Variants in ANKRD31 observed in about 807,000 individuals in gnomAD.
ANKRD31 encodes the protein ankyrin repeat domain 31, also known as ankyrin repeat domain-containing protein 31.
In ANKRD31, 147 loss-of-function variants were observed where a neutral mutation model predicts 186.0. The observed-to-expected ratio is 0.79, with a 90% CI of 0.69 to 0.91. The LOEUF is 0.91. ANKRD31 is among the 40% of genes least tolerant of loss of function. The pLI, the probability that ANKRD31 is intolerant of heterozygous loss-of-function variation, is 0.00. For missense variants in ANKRD31, 1,986 were observed against 2,148.8 expected, an observed-to-expected ratio of 0.92 and a Z score of 1.50; for synonymous variants, 673 against 736.4, an observed-to-expected ratio of 0.91 and a Z score of 1.39.
intron 10 of ANKRD31, among the ~76,000 whole-genome samples, chr5:75,175,976 T>C (rs1327810632): frequency 1.3e-5 from 2 of 152,116 alleles, no homozygotes; most frequent in Non-Finnish European, 2.9e-5. Flanking sequence ...GGGAATTCCA[T>C]TTCCTAGTCA....
In ANKRD31 at chr5:75,205,551, T is replaced by C. The variant is rs531736377; in HGVS notation, c.403+860A>G. Among the ~76,000 whole-genome samples, 4 of 152,324 alleles carry C rather than the reference T, an allele frequency of 2.6e-5. No individual in the cohort carries two copies. In the South Asian group the frequency reaches 6.2e-4, roughly 24 times the overall value. On this transcript the variant is annotated intron_variant, in intron 5 of 25. Coordinates refer to ENST00000506364, the MANE Select transcript of ANKRD31 (RefSeq NM_001372053.1). The stretch of plus-strand genomic sequence containing the variant: ...TAGCACCCACATACTTGGTATTTAG[T>C]AGGCTTAATAAGTATTTGTTAAAAG...
chr5:75,148,460 A>G (rs938655187), intron 13 of ANKRD31, 116 bp downstream of exon 13: 9 of 675,154 alleles, frequency 1.3e-5, no homozygotes, highest in Non-Finnish European at 2.1e-5. Flanking sequence ...TCTTAAAAGC[A>G]AATGTGAAGT....
At chr5:75,210,694 C>T (rs1756568737) in intron 4 of ANKRD31, 134 bp downstream of exon 4, 1 of 579,416 alleles carries the variant, frequency 1.7e-6, no homozygotes, top group African/African-American at 1.9e-5. Flanking sequence ...ATAACATATA[C>T]TTTTGCTACA....
At chr5:75,160,416 G>A (rs1450111211) in intron 11 of ANKRD31, among the ~76,000 whole-genome samples, 1 of 152,022 alleles carries the variant, frequency 6.6e-6, no homozygotes, top group African/African-American at 2.4e-5. Context: ...AGCAGTATAG[G>A]TGGGAAAAAC....
intron 3 of ANKRD31, among the ~76,000 whole-genome samples, chr5:75,217,631 T>C (rs1757039409): frequency 6.6e-6 from 1 of 152,210 alleles, no homozygotes; most frequent in African/African-American, 2.4e-5. Context: ...CAACCTTTTA[T>C]TTTGAGCCTA....
intron 22 of ANKRD31, among the ~76,000 whole-genome samples, chr5:75,102,931 G>A (rs111393816): frequency 4.4e-4 from 67 of 152,212 alleles, no homozygotes; most frequent in African/African-American, 1.3e-3. Context: ...TGGGCTGCAC[G>A]CACTGTCCGA....
intron 18 of ANKRD31, among the ~76,000 whole-genome samples, chr5:75,117,123 C>T (rs1456427618): frequency 6.6e-6 from 1 of 152,158 alleles, no homozygotes; most frequent in Non-Finnish European, 1.5e-5. Context: ...GATTCCCTTT[C>T]TCTATATTAT....
chr5:75,146,151 G>C lies in ANKRD31; in HGVS notation c.3260C>G (p.Ser1087Cys). Residue 1087 changes from serine to cysteine, a missense_variant, in exon 14 of 26, where the codon TCT becomes TGT. Ser to Cys is a moderately radical substitution (Grantham distance 112). Coordinates refer to ENST00000506364, the MANE Select transcript of ANKRD31 (RefSeq NM_001372053.1). ...AACTTTAGTTGTTTCTATTACTTGA[G>C]AATGAGCAACTATGGATAAAGGCTC... ...SNEPLSIVAHSQVIETTKVEK... is the reference protein window; with the variant it reads ...SNEPLSIVAHCQVIETTKVEK... The C allele has an allele frequency of 6.5e-7, 1 of 1,535,952 alleles. No homozygotes were observed. The highest frequency in any genetic ancestry group is 8.7e-7 in the Non-Finnish European group (1 of 1,146,306).
At chr5:75,234,439 G>A (rs751256467) in intron 1 of ANKRD31, among the ~76,000 whole-genome samples, 1 of 152,232 alleles carries the variant, frequency 6.6e-6, no homozygotes, top group Non-Finnish European at 1.5e-5. Context: ...GAGGCAGGAA[G>A]ATCACTTCAG....
chr5:75,102,825 T>C (rs1166368713), intron 22 of ANKRD31, among the ~76,000 whole-genome samples: 12 of 152,160 alleles, frequency 7.9e-5, no homozygotes, highest in Non-Finnish European at 1.8e-4. Flanking sequence ...CCAGGTACCT[T>C]CTGCCATGGC....
intron 25 of ANKRD31, among the ~76,000 whole-genome samples, chr5:75,071,966 T>G (rs921950662): frequency 6.6e-6 from 1 of 152,174 alleles, no homozygotes; most frequent in African/African-American, 2.4e-5. Flanking sequence ...TTGTGCTCTC[T>G]TATAGTCTTT....
intron 11 of ANKRD31, among the ~76,000 whole-genome samples, chr5:75,161,203 T>A (rs1251346700): frequency 6.6e-6 from 1 of 152,156 alleles, no homozygotes; most frequent in South Asian, 2.1e-4. Context: ...TTGAATGGCT[T>A]TGACCAAAAT....
chr5:75,157,336 G>C (rs553681848), intron 11 of ANKRD31, among the ~76,000 whole-genome samples: 6 of 152,326 alleles, frequency 3.9e-5, no homozygotes, highest in Non-Finnish European at 7.3e-5. Flanking sequence ...GCTAAACTTA[G>C]AGGTTTGGCT....
intron 6 of ANKRD31, among the ~76,000 whole-genome samples, chr5:75,196,576 G>A (rs560566613): frequency 6.6e-6 from 1 of 152,182 alleles, no homozygotes; most frequent in Admixed American, 6.5e-5. Flanking sequence ...ATTCTTTCTT[G>A]CCAAAATGTC....
intron 17 of ANKRD31, among the ~76,000 whole-genome samples, chr5:75,124,328 T>TG (rs1207344851): frequency 6.6e-6 from 1 of 152,186 alleles, no homozygotes; most frequent in African/African-American, 2.4e-5. Flanking sequence ...TATACACTGT[T>TG]GGTGGGAATG....
chr5:75,078,902 G>C (rs1744867988), intron 25 of ANKRD31, among the ~76,000 whole-genome samples: 1 of 152,140 alleles, frequency 6.6e-6, no homozygotes, highest in African/African-American at 2.4e-5. Flanking sequence ...AAATTTCAAG[G>C]GAAAATGCCC....
intron 7 of ANKRD31, among the ~76,000 whole-genome samples, chr5:75,193,865 C>G (rs1171981324): frequency 6.6e-6 from 1 of 152,028 alleles, no homozygotes; most frequent in Non-Finnish European, 1.5e-5. Flanking sequence ...TATGGTCACT[C>G]TAGGAGTTTT....
rs962021555 is a variant in ANKRD31 at position 75,068,393 on chromosome 5, A to G, written c.*126T>C. 1.0e-5 allele frequency: 9 copies of G among 879,786 alleles called. No individual in the cohort carries two copies. In the East Asian group the frequency reaches 2.4e-4, roughly 24 times the overall value. 54.5% of individuals were successfully genotyped at this position (879,786 alleles called of 1,614,324 possible). Reference sequence around the variant, plus strand: ...TACATACATCTTAAGAACAGTAAACATACATCCTAAATAGCAACTCATAAA... The same window carrying G: ...TACATACATCTTAAGAACAGTAAACGTACATCCTAAATAGCAACTCATAAA... On this transcript the variant is annotated 3_prime_UTR_variant, in exon 26 of 26. Transcript: ENST00000506364.
Position 75,147,067 on chromosome 5 carries a change from C to A in ANKRD31, c.2344G>T (p.Glu782Ter). ...THNDLPEELCEPSSLTLSSLR... is the reference protein window; with the variant it reads ...THNDLPEELC ...CTTGACAGAGTTAAGCTGGAAGGTTCACACAATTCTTCTGGAAGGTCATTA... is the reference window on the plus strand; with the variant it reads ...CTTGACAGAGTTAAGCTGGAAGGTTAACACAATTCTTCTGGAAGGTCATTA... The change falls in exon 14 of 26, where the codon GAA (glutamate) becomes TAA (stop). Residue 782 changes from glutamate to a stop codon, truncating the protein, a stop_gained. Coordinates refer to ENST00000506364, the MANE Select transcript of ANKRD31 (RefSeq NM_001372053.1). LOFTEE classifies it high-confidence loss of function. The A allele has an allele frequency of 3.3e-6, 5 of 1,536,344 alleles. No homozygotes were observed. The highest frequency in any genetic ancestry group is 4.4e-6 in the Non-Finnish European group (5 of 1,146,320).
Sources: gnomAD v4.1 joint callset for allele counts (sites outside exome capture counted in the v4.1 genomes callset) on GRCh38, gnomAD v4.1.1 for gene constraint, MANE v1.5 for transcripts, NCBI Gene and HGNC (gene_info 2026-07-23, HGNC 2026-07-21) for gene names.